Variants in FNDC1 observed in about 807,000 individuals in gnomAD.
The protein encoded by FNDC1 is fibronectin type III domain containing 1.
In FNDC1, 96 loss-of-function variants were observed where a neutral mutation model predicts 168.0. The observed-to-expected ratio is 0.57, with a 90% CI of 0.48 to 0.68. FNDC1 has a LOEUF of 0.68. Among genes scored for constraint, FNDC1 ranks in the 30% least tolerant of loss-of-function variants. FNDC1 has a pLI of 0.00. For synonymous variants in FNDC1, 1,099 were observed against 1,025.9 expected (o/e 1.07, Z -1.36); for missense variants, 2,587 against 2,482.1 (o/e 1.04, Z -0.90).
chr6:159,185,067 T>TGGG (rs61164680), intron 1 of FNDC1, among the ~76,000 whole-genome samples: 39 of 66,986 alleles, frequency 5.8e-4, no homozygotes, highest in Non-Finnish European at 9.9e-4. Flanking sequence ...ATATGGAGGG[T>TGGG]GGGGGGGGGG....
chr6:159,232,104 A>G lies in FNDC1; in HGVS notation c.1592A>G (p.Glu531Gly). Residue 531 changes from glutamate (E) to glycine (G), a missense_variant, in exon 11 of 23, where the codon GAG becomes GGG. Transcript: ENST00000297267. This position sits in a 1 kb window ranked among gnomAD's most constrained non-coding sequence, Gnocchi z 4.9. ...CCCCAGCTTCGCGCCAAGAAGGCAG[A>G]GGAGCTGGATCTTCAGTCGACAGAA... The part of the protein sequence containing the change: ...RKPQLRAKKA[E>G]ELDLQSTEIT... 1 of 1,613,918 alleles carries G rather than the reference A, an allele frequency of 6.2e-7. No individual in the cohort carries two copies. Among genetic ancestry groups the G allele is most frequent in the African/African-American group, 1.3e-5 (1 of 75,036 alleles).
intron 4 of FNDC1, among the ~76,000 whole-genome samples, chr6:159,204,194 C>T (rs753153067): frequency 2.6e-5 from 4 of 152,192 alleles, no homozygotes; most frequent in African/African-American, 4.8e-5. Flanking sequence ...CAATCGCTTG[C>T]GGACCAGACA....
chr6:159,265,002 C>T lies in FNDC1; in HGVS notation c.5282C>T (p.Pro1761Leu), dbSNP rs1189059458. Residue 1761 changes from proline to leucine, a missense_variant and splice_region_variant, in exon 20 of 23, where the codon CCA (proline) becomes CTA (leucine). By Grantham distance (98) the Pro-to-Leu change is moderately conservative (BLOSUM62 -3). Coordinates refer to ENST00000297267, the MANE Select transcript of FNDC1 (RefSeq NM_032532.3). ...SDNPLLVVRP[P>L]GGEPIWIPFA... ...AATCCTCTGCTTGTTGTGAGGCCCC[C>T]AGGTAAGTTTATGTTCTTGATAATC... 3 of 1,605,696 alleles carry T rather than the reference C, an allele frequency of 1.9e-6. No homozygotes were observed. Among genetic ancestry groups the T allele is most frequent in the East Asian group, 2.2e-5 (1 of 44,758 alleles).
intron 15 of FNDC1, 56 bp from the exon 16 acceptor site, chr6:159,248,983 T>C: frequency 2.0e-6 from 3 of 1,531,078 alleles, no homozygotes; most frequent in Non-Finnish European, 2.6e-6. Flanking sequence ...CATTTGACTA[T>C]AGACAGTGCT....
chr6:159,245,054 G>A (rs766299938), intron 14 of FNDC1, among the ~76,000 whole-genome samples: 10 of 152,184 alleles, frequency 6.6e-5, no homozygotes, highest in African/African-American at 1.7e-4. Flanking sequence ...GAGTGAGAGC[G>A]AGAACGAGAG....
At position 159,233,600 on chromosome 6, in the gene FNDC1, C is replaced by G; in HGVS notation, c.3088C>G (p.Gln1030Glu). Residue 1030 changes from glutamine to glutamate, a missense_variant, in exon 11 of 23, where the codon CAG becomes GAG. By Grantham distance (29) the Gln-to-Glu change is conservative. Transcript: ENST00000297267. This position sits in a 1 kb window ranked among gnomAD's most constrained non-coding sequence, Gnocchi z 4.6. The stretch of plus-strand genomic sequence containing the variant: ...CAGAGACGCGGGTCGGTCACCTTCC[C>G]AGCCCAGGCTCTCACTGACCCAGGC... ...QSRDAGRSPS[Q>E]PRLSLTQAGR... The G allele has an allele frequency of 6.3e-7, 1 of 1,578,650 alleles. No individual in the cohort carries two copies. The highest frequency in any genetic ancestry group is 8.6e-7 in the Non-Finnish European group (1 of 1,165,498).
intron 22 of FNDC1, among the ~76,000 whole-genome samples, chr6:159,270,982 A>G (rs1203281386): frequency 6.6e-6 from 1 of 152,214 alleles, no homozygotes; most frequent in East Asian, 1.9e-4. Flanking sequence ...TGTTTGGGAT[A>G]AAGAAATACT....
chr6:159,203,375 G>A (rs531553409), intron 4 of FNDC1, among the ~76,000 whole-genome samples: 1 of 152,320 alleles, frequency 6.6e-6, no homozygotes, highest in East Asian at 1.9e-4. Context: ...GATCGTAAGA[G>A]ACTGTGAGGG....
rs1390846461 is a variant in FNDC1 at position 159,197,447 on chromosome 6, GC to G, written c.128del (p.Pro43GlnfsTer4). ...AAASVDHPLK[P>X]RHVKLLSTKM... ...TTTACATAGTTGACCACCCACTGAA[GC>G]CAAGGCATGTGAAACTGCTGTCCAC... On this transcript the variant is annotated frameshift_variant, in exon 2 of 23. Transcript: ENST00000297267. LOFTEE classifies it high-confidence loss of function. 1 of 1,612,910 alleles carries G rather than the reference GC, an allele frequency of 6.2e-7. No homozygotes were observed. The highest frequency in any genetic ancestry group is 1.3e-5 in the African/African-American group (1 of 74,910).
intron 4 of FNDC1, among the ~76,000 whole-genome samples, chr6:159,204,505 C>T (rs966477127): frequency 5.3e-5 from 8 of 152,234 alleles, no homozygotes; most frequent in Non-Finnish European, 1.2e-4. Flanking sequence ...GTAGACCCTT[C>T]CCAGCTGTGG....
At chr6:159,180,252 A>G (rs1781852579) in intron 1 of FNDC1, among the ~76,000 whole-genome samples, 1 of 152,096 alleles carries the variant, frequency 6.6e-6, no homozygotes, top group African/African-American at 2.4e-5. Context: ...TCCACGTCAT[A>G]TGGCATTCTC....
chr6:159,225,178 G>GAC (rs755587981), intron 7 of FNDC1, among the ~76,000 whole-genome samples: 25,994 of 146,294 alleles, frequency 0.18, 3,005 homozygotes, highest in East Asian at 0.37. Flanking sequence ...CACAAATACA[G>GAC]ACACACACAC....
At chr6:159,217,879 G>A (rs984075047) in intron 5 of FNDC1, among the ~76,000 whole-genome samples, 1 of 152,208 alleles carries the variant, frequency 6.6e-6, no homozygotes, top group African/African-American at 2.4e-5. Flanking sequence ...CATGACTTTA[G>A]AATTAGCAGC....
At chr6:159,266,371 C>T in intron 21 of FNDC1, 126 bp downstream of exon 21, 1 of 983,166 alleles carries the variant, frequency 1.0e-6, no homozygotes, top group Non-Finnish European at 1.5e-6. Context: ...GCTCACTCTG[C>T]CTCTAATACA....
intron 18 of FNDC1, among the ~76,000 whole-genome samples, chr6:159,260,777 C>T (rs936123450): frequency 5.3e-5 from 8 of 152,182 alleles, no homozygotes; most frequent in Non-Finnish European, 1.0e-4. Flanking sequence ...TTTGCTCCAC[C>T]ACCCTCTCTC....
rs1782827867 is a variant in FNDC1, at chr6:159,221,673, C to A, written c.743C>A (p.Ala248Asp). The A allele has an allele frequency of 6.8e-6, 11 of 1,613,924 alleles. No individual in the cohort carries two copies. The highest frequency in any genetic ancestry group is 9.3e-6 in the Non-Finnish European group (11 of 1,179,816). Reference sequence around the variant, plus strand: ...CGGAGCCAACCAGTCTACAGGGCTGCCCTAACAAAGCGAAAGATTTCAGGT... The same window carrying A: ...CGGAGCCAACCAGTCTACAGGGCTGACCTAACAAAGCGAAAGATTTCAGGT... ...QGRSQPVYRAALTKRKISEED... is the reference protein window; with the variant it reads ...QGRSQPVYRADLTKRKISEED... The change falls in exon 6 of 23, where the codon GCC becomes GAC. Residue 248 changes from alanine to aspartate, a missense_variant. Transcript: ENST00000297267.
chr6:159,269,601 ATCTATC>A (rs1777699046), intron 22 of FNDC1, among the ~76,000 whole-genome samples: 2 of 17,756 alleles, frequency 1.1e-4, no homozygotes, highest in African/African-American at 1.8e-4. Context: ...CTGTCTGTCT[ATCTATC>A]TATCTATCTA....
At chr6:159,203,325 G>C (rs1454365632) in intron 4 of FNDC1, among the ~76,000 whole-genome samples, 4 of 152,188 alleles carry the variant, frequency 2.6e-5, no homozygotes, top group Non-Finnish European at 5.9e-5. Context: ...GACGGTTTGG[G>C]AGCCTAGGAG....
chr6:159,200,093 T>C lies in FNDC1; in HGVS notation c.391+11T>C. On this transcript the variant is annotated intron_variant, in intron 3 of 22. Coordinates refer to ENST00000297267, the MANE Select transcript of FNDC1 (RefSeq NM_032532.3). Reference sequence around the variant, plus strand: ...CTGAAAGCCCACCTGGTAAGTCCTATCTAGAATCAGAGGCTGTAGTGTTGT... The same window carrying C: ...CTGAAAGCCCACCTGGTAAGTCCTACCTAGAATCAGAGGCTGTAGTGTTGT... 1.9e-6 allele frequency: 3 copies of C among 1,577,902 alleles called. No individual in the cohort carries two copies. Among genetic ancestry groups the C allele is most frequent in the African/African-American group, 2.7e-5 (2 of 74,396 alleles).
Sources: gnomAD v4.1 joint callset for allele counts (sites outside exome capture counted in the v4.1 genomes callset) on GRCh38, gnomAD v4.1.1 for gene constraint, Gnocchi (gnomAD v3.1) non-coding constraint, MANE v1.5 for transcripts, NCBI Gene and HGNC (gene_info 2026-07-23, HGNC 2026-07-21) for gene names.